The following ABCB1 variants were observed in gnomAD, a reference collection of about 807,000 sequenced individuals.
The protein encoded by ABCB1 is ATP-dependent translocase ABCB1.
In ABCB1, 69 loss-of-function variants were observed where a neutral mutation model predicts 142.0. That is an observed-to-expected ratio of 0.49 (90% CI 0.40 to 0.59). The LOEUF (loss-of-function observed/expected upper bound fraction) is 0.59. Among genes scored for constraint, ABCB1 ranks in the 20% least tolerant of loss-of-function variants. ABCB1 has a pLI of 0.00. For missense variants in ABCB1, 1,326 were observed against 1,554.7 expected, an observed-to-expected ratio of 0.85 and a Z score of 2.47; for synonymous variants, 532 against 539.2, an observed-to-expected ratio of 0.99 and a Z score of 0.18.
At chr7:87,552,012 T>C (rs903352672) in intron 9 of ABCB1, among the ~76,000 whole-genome samples, 1 of 152,222 alleles carries the variant, frequency 6.6e-6, no homozygotes, top group African/African-American at 2.4e-5. Context: ...GGCAAGATTC[T>C]ATCTGTTCTC....
rs201810761 is a variant in ABCB1, at chr7:87,544,129, C to G, written c.2211G>C (p.Gly737=). 6.2e-6 allele frequency: 10 copies of G among 1,613,816 alleles called. No individual in the cohort carries two copies. Among genetic ancestry groups the G allele is most frequent in the Non-Finnish European group, 8.5e-6 (10 of 1,179,860 alleles). ...AFAIIFSKII[G]VFTRIDDPET... Reference sequence around the variant, plus strand: ...TCACACAAATGGGCATCACACTTACCCCTATAATCTTTGAAAATATTATTG... The same window carrying G: ...TCACACAAATGGGCATCACACTTACGCCTATAATCTTTGAAAATATTATTG... The change falls in exon 17 of 28, where the codon GGG becomes GGC. Residue 737 remains glycine, a splice_region_variant and synonymous_variant. Coordinates refer to ENST00000622132, the MANE Select transcript of ABCB1 (RefSeq NM_001348946.2).
rs774399781 is a variant in ABCB1, at chr7:87,600,195, A to G, written c.-6-5T>C. 2 of 1,613,678 alleles carry G rather than the reference A, an allele frequency of 1.2e-6. No individual in the cohort carries two copies. Among genetic ancestry groups the G allele is most frequent in the African/African-American group, 1.3e-5 (1 of 75,030 alleles). ...CCCTTCAAGATCCATTCCGACCTGAAGAGAAACCGCAGCTCATTAGCCAAA... is the reference window on the plus strand; with the variant it reads ...CCCTTCAAGATCCATTCCGACCTGAGGAGAAACCGCAGCTCATTAGCCAAA... On this transcript the variant is annotated splice_region_variant and splice_polypyrimidine_tract_variant and intron_variant, in intron 1 of 27. Transcript: ENST00000622132.
intron 1 of ABCB1, chr7:87,629,042 G>A (rs1820917525): frequency 1.8e-6 from 2 of 1,115,824 alleles, no homozygotes; most frequent in East Asian, 3.2e-5. Context: ...ATGATGGGCT[G>A]CCGCCCAGTG....
chr7:87,567,017 T>C (rs200946620), intron 5 of ABCB1, 41 bp from the exon 6 acceptor site: 7 of 1,580,006 alleles, frequency 4.4e-6, no homozygotes, highest in Non-Finnish European at 5.2e-6. Context: ...CTCTGTTTCC[T>C]AATCAATGTA....
At chr7:87,605,961 T>C (rs887530878) in intron 1 of ABCB1, among the ~76,000 whole-genome samples, 2 of 151,922 alleles carry the variant, frequency 1.3e-5, no homozygotes, top group Admixed American at 6.6e-5. Context: ...AATAATAATA[T>C]GGCAATAATT....
chr7:87,693,931 C>A (rs780767831), intron 1 of ABCB1: 21 of 1,610,450 alleles, frequency 1.3e-5, no homozygotes, highest in Non-Finnish European at 1.7e-5. Flanking sequence ...TTGCAGATGG[C>A]TGGCTCATCT....
chr7:87,587,824 G>A (rs374896465), intron 3 of ABCB1, among the ~76,000 whole-genome samples: 2 of 145,772 alleles, frequency 1.4e-5, no homozygotes, highest in Admixed American at 7.0e-5. Context: ...GCAGTGAGCC[G>A]AGATCGCACC....
At chr7:87,530,002 T>C (rs377309916) in intron 21 of ABCB1, among the ~76,000 whole-genome samples, 1 of 152,186 alleles carries the variant, frequency 6.6e-6, no homozygotes, top group East Asian at 1.9e-4. Context: ...GTACTACAGC[T>C]GGCCCAAAAG....
rs1584852932 is a variant in ABCB1 at position 87,531,225 on chromosome 7, G to A, written c.2685+69C>T. 7.5e-7 allele frequency: 1 copy of A among 1,334,588 alleles called. No individual in the cohort carries two copies. The allele number at this position is 1,334,588 out of a possible 1,614,324, so 82.7% of individuals were successfully genotyped here. On this transcript the variant is annotated intron_variant, in intron 21 of 27. Coordinates refer to ENST00000622132, the MANE Select transcript of ABCB1 (RefSeq NM_001348946.2). The stretch of plus-strand genomic sequence containing the variant: ...CTTAGAGCATAGTAAGCAGTAGGGA[G>A]TAACAAAATAACACTGATTAGAATA...
chr7:87,651,318 TA>T (rs2130375668), intron 1 of ABCB1, among the ~76,000 whole-genome samples: 1 of 152,264 alleles, frequency 6.6e-6, no homozygotes, highest in Admixed American at 6.5e-5. Flanking sequence ...GGTATCTTTG[TA>T]AATGTTTTAG....
chr7:87,707,958 T>A (rs1356253294), intron 1 of ABCB1, among the ~76,000 whole-genome samples: 1 of 151,990 alleles, frequency 6.6e-6, no homozygotes, highest in African/African-American at 2.4e-5. Context: ...ACAATTGAAA[T>A]TGAAAAATAT....
intron 1 of ABCB1, among the ~76,000 whole-genome samples, chr7:87,608,004 C>T (rs1819718450): frequency 6.6e-6 from 1 of 152,138 alleles, no homozygotes; most frequent in Admixed American, 6.5e-5. Context: ...AAGCTATATA[C>T]CAATTTCAAT....
chr7:87,552,055 GAT>G (rs1224699805), intron 9 of ABCB1, among the ~76,000 whole-genome samples: 2 of 152,174 alleles, frequency 1.3e-5, no homozygotes, highest in African/African-American at 4.8e-5. Flanking sequence ...GTTGTATCAT[GAT>G]AAAACAGTGT....
rs200631297 is a variant in ABCB1, at chr7:87,549,466, T to C, written c.1607A>G (p.Lys536Arg). 5.0e-6 allele frequency: 8 copies of C among 1,614,204 alleles called. No homozygotes were observed. In the South Asian group the frequency reaches 7.7e-5, roughly 16 times the overall value. ...ERGAQLSGGQKQRIAIARALV... is the reference protein window; with the variant it reads ...ERGAQLSGGQRQRIAIARALV... ...GGCACGTGCAATGGCGATCCTCTGC[T>C]TCTGCCCACCACTCAACTGGGCCCC... Residue 536 changes from lysine to arginine, a missense_variant, in exon 14 of 28, where the codon AAG becomes AGG. Coordinates refer to ENST00000622132, the MANE Select transcript of ABCB1 (RefSeq NM_001348946.2).
At position 87,503,867 on chromosome 7, in the gene ABCB1, A is replaced by G. The variant is rs1390061236; in HGVS notation, c.*376T>C. On this transcript the variant is annotated 3_prime_UTR_variant, in exon 28 of 28. Transcript: ENST00000622132. Reference sequence around the variant, plus strand: ...GTTTGGACAAGATGACTCCAGTCACATGAAAGTTTAGTTTTATTATAGACA... The same window carrying G: ...GTTTGGACAAGATGACTCCAGTCACGTGAAAGTTTAGTTTTATTATAGACA... 3.7e-6 allele frequency: 1 copy of G among 268,388 alleles called. No individual in the cohort carries two copies. The highest frequency in any genetic ancestry group is 7.2e-6 in the Non-Finnish European group (1 of 138,528). 16.6% of individuals were successfully genotyped at this position (268,388 alleles called of 1,614,324 possible). A position where few individuals can be genotyped will look rare whatever the true frequency, so the allele number is the denominator to read the frequency against.
chr7:87,560,954 T>A (rs981147477), intron 8 of ABCB1, among the ~76,000 whole-genome samples: 1 of 152,106 alleles, frequency 6.6e-6, no homozygotes, highest in African/African-American at 2.4e-5. Flanking sequence ...AAATACTCAG[T>A]CAATATTAGA....
chr7:87,581,553 T>C (rs959891542), intron 4 of ABCB1, among the ~76,000 whole-genome samples: 1 of 152,122 alleles, frequency 6.6e-6, no homozygotes. Flanking sequence ...ACACATATTC[T>C]ATAATTAAAC....
chr7:87,626,762 T>C lies in ABCB1; in HGVS notation c.-330-25684A>G, dbSNP rs574506934. Reference sequence around the variant, plus strand: ...GTGTCATATATATGTCATATATATGTCATATATATGTCAGAGAGAGAGAGA... The same window carrying C: ...GTGTCATATATATGTCATATATATGCCATATATATGTCAGAGAGAGAGAGA... On this transcript the variant is annotated intron_variant, in intron 1 of 28. Transcript: ENST00000265724. 1.4e-5 allele frequency among the ~76,000 whole-genome samples: 2 copies of C among 138,566 alleles called. 1 individual carries two copies. The highest frequency in any genetic ancestry group is 5.4e-5 in the African/African-American group (2 of 36,960). The allele number at this position is 138,566 out of a possible 152,430, so 90.9% of individuals were successfully genotyped here.
intron 1 of ABCB1, among the ~76,000 whole-genome samples, chr7:87,645,167 C>T (rs888155337): frequency 6.0e-5 from 9 of 150,958 alleles, no homozygotes; most frequent in Non-Finnish European, 1.0e-4. Context: ...ACTGCAACCT[C>T]GACCTCCTGG....
Sources: allele counts gnomAD v4.1 joint callset (sites outside exome capture counted in the v4.1 genomes callset), GRCh38; gene constraint gnomAD v4.1.1; transcripts MANE v1.5; gene names NCBI Gene and HGNC (gene_info 2026-07-23, HGNC 2026-07-21).